The following GSTCD variants were observed in gnomAD, a reference collection of about 807,000 sequenced individuals.
GSTCD encodes the protein glutathione S-transferase C-terminal domain-containing protein.
GSTCD carries 44 observed loss-of-function variants against 68.3 expected under a neutral mutation model. The ratio of observed to expected loss-of-function variants is 0.64; its 90% CI spans 0.51 to 0.83. The LOEUF is 0.83. Ranked by LOEUF, GSTCD falls within the 40% of genes least tolerant of loss-of-function variation. The probability of loss-of-function intolerance (pLI) is 0.00; values close to 1 mark genes in which losing one functional copy is unlikely to be tolerated. For synonymous variants in GSTCD, 273 were observed against 255.2 expected, an observed-to-expected ratio of 1.07 and a Z score of -0.67; for missense variants, 739 against 735.9, an observed-to-expected ratio of 1.00 and a Z score of -0.05.
At chr4:105,726,941 T>G in intron 4 of GSTCD, 111 bp downstream of exon 4, 1 of 873,136 alleles carries the variant, frequency 1.1e-6, no homozygotes, top group South Asian at 1.9e-5. Context: ...AAATTTTATT[T>G]GTAGCTTTCT....
intron 5 of GSTCD, among the ~76,000 whole-genome samples, chr4:105,740,503 A>G (rs1733598711): frequency 2.0e-5 from 3 of 151,612 alleles, no homozygotes; most frequent in Non-Finnish European, 4.4e-5. Context: ...TCCTTTAGTC[A>G]TTTTCATTAT....
chr4:105,839,316 G>A (rs1051711158), intron 10 of GSTCD, among the ~76,000 whole-genome samples: 1 of 152,188 alleles, frequency 6.6e-6, no homozygotes, highest in East Asian at 1.9e-4. Context: ...TCTTTCACAA[G>A]GCTATGTCAA....
At chr4:105,736,155 T>C (rs1733456392) in intron 5 of GSTCD, among the ~76,000 whole-genome samples, 1 of 152,148 alleles carries the variant, frequency 6.6e-6, no homozygotes, top group Non-Finnish European at 1.5e-5. Flanking sequence ...TTCTAATAGT[T>C]AATAGTTATT....
At chr4:105,764,480 T>G (rs892613616) in intron 5 of GSTCD, among the ~76,000 whole-genome samples, 1 of 152,134 alleles carries the variant, frequency 6.6e-6, no homozygotes, top group Non-Finnish European at 1.5e-5. Flanking sequence ...AGAAATTAAG[T>G]TTTTCACATT....
At chr4:105,834,410 C>T (rs755721251) in intron 8 of GSTCD, 51 bp from the exon 9 acceptor site, 8 of 1,579,310 alleles carry the variant, frequency 5.1e-6, no homozygotes, top group Non-Finnish European at 6.1e-6. Flanking sequence ...ATAAAAATTG[C>T]ACTGTGAGTT....
intron 5 of GSTCD, among the ~76,000 whole-genome samples, chr4:105,769,227 A>ACGCG (rs1249963113): frequency 1.1e-4 from 7 of 62,160 alleles, no homozygotes; most frequent in African/African-American, 4.4e-4. Context: ...TATACTATAC[A>ACGCG]CGCGCGCACA....
intron 5 of GSTCD, among the ~76,000 whole-genome samples, chr4:105,768,319 C>A (rs767515034): frequency 3.3e-5 from 5 of 152,088 alleles, no homozygotes; most frequent in Non-Finnish European, 7.4e-5. Flanking sequence ...CGTAAGTCAT[C>A]GCGCCCGGCC....
At chr4:105,786,380 C>T (rs1234162988) in intron 5 of GSTCD, among the ~76,000 whole-genome samples, 1 of 151,962 alleles carries the variant, frequency 6.6e-6, no homozygotes, top group Non-Finnish European at 1.5e-5. Flanking sequence ...AGTGTGGTGG[C>T]TCGCACTTGT....
At chr4:105,735,324 C>T (rs902797681) in intron 5 of GSTCD, among the ~76,000 whole-genome samples, 3 of 152,182 alleles carry the variant, frequency 2.0e-5, no homozygotes, top group Non-Finnish European at 4.4e-5. Flanking sequence ...GGGCTCCACC[C>T]AGTTCAAGCT....
chr4:105,715,176 A>G (rs1732646704), intron 1 of GSTCD, among the ~76,000 whole-genome samples: 1 of 152,116 alleles, frequency 6.6e-6, no homozygotes, highest in African/African-American at 2.4e-5. Context: ...AATTCCTGGA[A>G]AGTGTGGTTG....
chr4:105,777,283 T>C (rs1009400136), intron 5 of GSTCD, among the ~76,000 whole-genome samples: 2 of 152,168 alleles, frequency 1.3e-5, no homozygotes, highest in African/African-American at 4.8e-5. Flanking sequence ...TCTTAGCCGA[T>C]GTATGTGTGT....
chr4:105,735,292 G>A (rs1733419183), intron 5 of GSTCD, among the ~76,000 whole-genome samples: 1 of 152,162 alleles, frequency 6.6e-6, no homozygotes, highest in East Asian at 1.9e-4. Context: ...ACAGAGGCAG[G>A]CAGGCCTCCT....
chr4:105,710,387 CTTTTT>C (rs70941210), intron 1 of GSTCD, among the ~76,000 whole-genome samples: 4 of 123,680 alleles, frequency 3.2e-5, no homozygotes, highest in African/African-American at 9.0e-5. Flanking sequence ...CACTCGGCTC[CTTTTT>C]TTTTTTTTTT....
rs976577391 is a variant in GSTCD at position 105,719,375 on chromosome 4, G to A, written c.742G>A (p.Val248Ile). ...ELKVAFSKLT[V>I]QEEPATTNRE... is the part of the protein sequence containing the mutation. The stretch of plus-strand genomic sequence containing the variant: ...GAAAGTGGCATTCTCAAAGCTCACA[G>A]TACAGGAAGAACCAGCTACTACCAA... Residue 248 changes from valine (V) to isoleucine (I), a missense_variant, in exon 3 of 12, where the codon GTA (valine) becomes ATA (isoleucine). Coordinates refer to ENST00000515279, the MANE Select transcript of GSTCD (RefSeq NM_001370181.1). The A allele has an allele frequency of 4.3e-6, 7 of 1,613,980 alleles. No homozygotes were observed. The Admixed American group carries it at 5.0e-5, about 12-fold the overall frequency.
intron 8 of GSTCD, 47 bp from the exon 9 acceptor site, chr4:105,834,414 G>C (rs760528884): frequency 4.2e-5 from 67 of 1,589,390 alleles, no homozygotes; most frequent in Non-Finnish European, 1.7e-6. Flanking sequence ...AAATTGCACT[G>C]TGAGTTAAGA....
chr4:105,765,602 T>A (rs896284034), intron 5 of GSTCD, among the ~76,000 whole-genome samples: 10 of 152,342 alleles, frequency 6.6e-5, no homozygotes, highest in African/African-American at 1.9e-4. Flanking sequence ...AACAAGTATC[T>A]GAATGTATTT....
intron 5 of GSTCD, among the ~76,000 whole-genome samples, chr4:105,805,761 C>G (rs1722462935): frequency 6.6e-6 from 1 of 152,054 alleles, no homozygotes; most frequent in Non-Finnish European, 1.5e-5. Flanking sequence ...TTTTCAAGCT[C>G]CCCTTGTTAT....
At chr4:105,747,178 CCAAA>C (rs1452954364) in intron 5 of GSTCD, among the ~76,000 whole-genome samples, 2 of 152,240 alleles carry the variant, frequency 1.3e-5, no homozygotes, top group African/African-American at 2.4e-5. Flanking sequence ...TAAAAGTTCA[CCAAA>C]CAAAGAATGG....
chr4:105,749,441 G>GACT (rs1182578443), intron 5 of GSTCD, among the ~76,000 whole-genome samples: 3 of 151,816 alleles, frequency 2.0e-5, no homozygotes, highest in Admixed American at 6.6e-5. Flanking sequence ...TGAGTGTTAA[G>GACT]ACTTACTATA....
Sources: allele counts gnomAD v4.1 joint callset (sites outside exome capture counted in the v4.1 genomes callset), GRCh38; gene constraint gnomAD v4.1.1; transcripts MANE v1.5; gene names NCBI Gene and HGNC (gene_info 2026-07-23, HGNC 2026-07-21).